PTPRD: variants seen among roughly 807,000 people sequenced by gnomAD.
PTPRD encodes protein tyrosine phosphatase receptor type D.
Under a neutral mutation model 214.5 loss-of-function variants are expected in PTPRD, and 34 were observed. The observed-to-expected ratio is 0.16, with a 90% CI of 0.12 to 0.21. The LOEUF is 0.21. Ranked by LOEUF, PTPRD falls within the 10% of genes least tolerant of loss-of-function variation. PTPRD has a pLI of 1.00. For missense variants in PTPRD, 2,545 were observed against 2,398.7 expected, an observed-to-expected ratio of 1.06 and a Z score of -1.27; for synonymous variants, 1,128 against 845.7, an observed-to-expected ratio of 1.33 and a Z score of -5.79.
At chr9:10,567,374 G>A (rs566465629) in intron 2 of PTPRD, among the ~76,000 whole-genome samples, 26 of 140,846 alleles carry the variant, frequency 1.8e-4, no homozygotes, top group South Asian at 9.4e-4. Flanking sequence ...AAATACTATA[G>A]CTTTTCTGCA....
chr9:10,368,338 A>G (rs1035800715), intron 2 of PTPRD, among the ~76,000 whole-genome samples: 1 of 152,150 alleles, frequency 6.6e-6, no homozygotes, highest in Non-Finnish European at 1.5e-5. Context: ...ATATCTAATG[A>G]AAGACTTAGA....
intron 3 of PTPRD, among the ~76,000 whole-genome samples, chr9:10,083,401 G>C (rs559493285): frequency 2.2e-4 from 34 of 152,082 alleles, no homozygotes; most frequent in African/African-American, 8.2e-4. Flanking sequence ...TGTATGAAAA[G>C]GGCATGACAT....
At chr9:10,399,652 G>A (rs148814046) in intron 2 of PTPRD, among the ~76,000 whole-genome samples, 78 of 151,954 alleles carry the variant, frequency 5.1e-4, no homozygotes, top group Admixed American at 3.3e-3. Flanking sequence ...CTATGTGGAG[G>A]CTTGTTCAGA....
chr9:10,193,188 T>C (rs994551625), intron 3 of PTPRD, among the ~76,000 whole-genome samples: 8 of 152,150 alleles, frequency 5.3e-5, no homozygotes, highest in Non-Finnish European at 8.8e-5. Context: ...TGTCATTTTA[T>C]CTTTTTTTTT....
chr9:10,468,083 G>A (rs1158623575), intron 2 of PTPRD, among the ~76,000 whole-genome samples: 1 of 152,192 alleles, frequency 6.6e-6, no homozygotes, highest in Non-Finnish European at 1.5e-5. Context: ...CATTGTGGAA[G>A]ACAATGTGGC....
intron 4 of PTPRD, among the ~76,000 whole-genome samples, chr9:10,022,473 A>G (rs2096842452): frequency 6.6e-6 from 1 of 151,718 alleles, no homozygotes; most frequent in Non-Finnish European, 1.5e-5. Context: ...TTCAGGTGCT[A>G]CCCCACAAGA....
intron 2 of PTPRD, among the ~76,000 whole-genome samples, chr9:10,484,890 T>C (rs555649761): frequency 2.5e-4 from 38 of 152,150 alleles, no homozygotes; most frequent in South Asian, 8.3e-4. Flanking sequence ...CCACTTTTCC[T>C]TTAGATACCC....
rs144262737 is a variant in PTPRD at position 9,471,541 on chromosome 9, A to C, written c.-236-74059T>G. ...TTAAAGAATTTATTGCTTAAATAGA[A>C]GTGAGTCACTATAAAATAGAAATGT... On this transcript the variant is annotated intron_variant, in intron 8 of 45. Transcript: ENST00000381196. 1.4e-4 allele frequency among the ~76,000 whole-genome samples: 21 copies of C among 152,348 alleles called. No individual in the cohort carries two copies. In the East Asian group the frequency reaches 4.0e-3, roughly 29 times the overall value.
At chr9:10,299,335 C>T (rs1176618170) in intron 3 of PTPRD, among the ~76,000 whole-genome samples, 2 of 152,040 alleles carry the variant, frequency 1.3e-5, no homozygotes, top group Non-Finnish European at 2.9e-5. Context: ...AATGTGTGTG[C>T]TTTCAATGCC....
intron 2 of PTPRD, among the ~76,000 whole-genome samples, chr9:10,588,670 G>A (rs2074596203): frequency 1.3e-5 from 2 of 151,906 alleles, no homozygotes; most frequent in Admixed American, 1.3e-4. Context: ...AAATTACTAA[G>A]TATATTTCAA....
At chr9:8,436,534 CAAAA>C (rs1212852550) in intron 35 of PTPRD, 54 bp downstream of exon 35, 1 of 1,351,042 alleles carries the variant, frequency 7.4e-7, no homozygotes, top group Non-Finnish European at 1.1e-6. Context: ...AGAATATGGT[CAAAA>C]AAAGAGAAGA....
At chr9:9,455,307 T>G (rs1213709974) in intron 8 of PTPRD, among the ~76,000 whole-genome samples, 2 of 151,542 alleles carry the variant, frequency 1.3e-5, no homozygotes, top group Non-Finnish European at 3.0e-5. Context: ...TTAAAAATAT[T>G]AATGTACATG....
At chr9:9,747,198 G>T (rs1228885623) in intron 6 of PTPRD, among the ~76,000 whole-genome samples, 2 of 152,164 alleles carry the variant, frequency 1.3e-5, no homozygotes, top group Non-Finnish European at 2.9e-5. Context: ...ACTGACAGAG[G>T]TATTGGGCTT....
At chr9:10,284,370 A>C (rs1286792954) in intron 3 of PTPRD, among the ~76,000 whole-genome samples, 1 of 152,208 alleles carries the variant, frequency 6.6e-6, no homozygotes, top group Admixed American at 6.5e-5. Context: ...TTTGTTTTTA[A>C]TGTTAGGATC....
chr9:9,377,386 C>T (rs1021582570), intron 9 of PTPRD, among the ~76,000 whole-genome samples: 6 of 151,994 alleles, frequency 3.9e-5, no homozygotes, highest in African/African-American at 1.5e-4. Context: ...CATCAAGCAT[C>T]TTAAATTAAA....
chr9:8,691,430 A>C (rs1056876113), intron 12 of PTPRD, among the ~76,000 whole-genome samples: 2 of 152,054 alleles, frequency 1.3e-5, no homozygotes, highest in South Asian at 4.2e-4. Flanking sequence ...TGCTATTATC[A>C]AATAGTAATG....
intron 3 of PTPRD, among the ~76,000 whole-genome samples, chr9:10,190,658 C>A (rs1046381888): frequency 7.9e-6 from 1 of 126,830 alleles, no homozygotes; most frequent in Non-Finnish European, 1.6e-5. Flanking sequence ...GCAGAAAGTA[C>A]AGTAAGCCAA....
At chr9:8,548,340 T>C (rs1023151570) in intron 14 of PTPRD, among the ~76,000 whole-genome samples, 1 of 152,028 alleles carries the variant, frequency 6.6e-6, no homozygotes, top group Non-Finnish European at 1.5e-5. Context: ...CTGGGGTTCA[T>C]GTGTTAGGTT....
At chr9:9,800,931 A>T (rs4742621) in intron 5 of PTPRD, among the ~76,000 whole-genome samples, 35,383 of 152,050 alleles carry the variant, frequency 0.23, 4,516 homozygotes, top group Non-Finnish European at 0.29. Context: ...GAGATACACG[A>T]TTAGTTGAGC....
Sources: gnomAD v4.1 joint callset for allele counts (sites outside exome capture counted in the v4.1 genomes callset) on GRCh38, gnomAD v4.1.1 for gene constraint, MANE v1.5 for transcripts, NCBI Gene and HGNC (gene_info 2026-07-23, HGNC 2026-07-21) for gene names.